The following TBC1D4 variants were observed in gnomAD, a reference collection of about 807,000 sequenced individuals.
TBC1D4 encodes the protein TBC1 domain family member 4.
A neutral mutation model predicts 142.5 loss-of-function variants in TBC1D4; 121 were observed. That is an observed-to-expected ratio of 0.85 (90% confidence interval 0.73 to 0.99). The LOEUF (loss-of-function observed/expected upper bound fraction) is 0.99, where lower values mean the gene tolerates loss of function less well. TBC1D4 is among the 50% of genes least tolerant of loss of function. The probability of loss-of-function intolerance (pLI) is 0.00; values close to 1 mark genes in which losing one functional copy is unlikely to be tolerated. For missense variants in TBC1D4, 1,475 were observed against 1,606.6 expected, an observed-to-expected ratio of 0.92 and a Z score of 1.40; for synonymous variants, 630 against 628.2, an observed-to-expected ratio of 1.00 and a Z score of -0.04.
rs1880702962 is a variant in TBC1D4 at position 75,341,532 on chromosome 13, T to G, written c.1464A>C (p.Thr488=). The G allele has an allele frequency of 6.2e-7, 1 of 1,614,102 alleles. No individual in the cohort carries two copies. Among genetic ancestry groups the G allele is most frequent in the Non-Finnish European group, 8.5e-7 (1 of 1,180,012 alleles). Residue 488 remains threonine (T), a synonymous_variant, in exon 6 of 21, where the codon ACA becomes ACC. Transcript: ENST00000377636. Reference sequence around the variant, plus strand: ...CAAAGATGTCAGCTTGCTCATTATCTGTCAGTGATGAGAGATGCCTCTGTA... The same window carrying G: ...CAAAGATGTCAGCTTGCTCATTATCGGTCAGTGATGAGAGATGCCTCTGTA... ...LVIQRHLSSL[T]DNEQADIFER...
At chr13:75,410,751 A>G (rs1271765926) in intron 1 of TBC1D4, among the ~76,000 whole-genome samples, 1 of 151,570 alleles carries the variant, frequency 6.6e-6, no homozygotes, top group Non-Finnish European at 1.5e-5. Context: ...CCTGGCTAAC[A>G]CGGTGAAACC....
At chr13:75,476,632 A>T (rs4885298) in intron 1 of TBC1D4, among the ~76,000 whole-genome samples, 116,843 of 152,140 alleles carry the variant, frequency 0.77, 46,991 homozygotes, top group East Asian at 0.97. Context: ...AGAGCTTCTT[A>T]AAAATATTCC....
intron 4 of TBC1D4, among the ~76,000 whole-genome samples, chr13:75,350,979 C>T (rs968273912): frequency 3.9e-5 from 6 of 151,946 alleles, no homozygotes; most frequent in African/African-American, 1.2e-4. Context: ...ATTAGTGTAC[C>T]GTGAATAACT....
Position 75,289,160 on chromosome 13 carries a change from G to A in TBC1D4, c.3487-50C>T, listed in dbSNP as rs764522944. On this transcript the variant is annotated intron_variant, in intron 19 of 20. Transcript: ENST00000377636. ...GGCTAGCCTTTGGTATGTATAACAA[G>A]ATACAGCCTGTTTATCTTGGTATAT... 3.2e-6 allele frequency: 5 copies of A among 1,581,894 alleles called. No homozygotes were observed. In the East Asian group the frequency reaches 1.1e-4, roughly 35 times the overall value.
intron 8 of TBC1D4, among the ~76,000 whole-genome samples, chr13:75,336,081 A>C (rs1204647354): frequency 2.0e-5 from 3 of 152,160 alleles, no homozygotes; most frequent in African/African-American, 7.2e-5. Context: ...ATAAATCTCG[A>C]TCTGAGAAGC....
chr13:75,347,761 A>AT (rs778536879), intron 5 of TBC1D4, among the ~76,000 whole-genome samples: 4 of 152,112 alleles, frequency 2.6e-5, no homozygotes, highest in Admixed American at 6.5e-5. Context: ...AGAATGTTCC[A>AT]TTTTTTTAAA....
intron 1 of TBC1D4, among the ~76,000 whole-genome samples, chr13:75,464,915 CT>C (rs1888108513): frequency 6.6e-6 from 1 of 152,114 alleles, no homozygotes; most frequent in African/African-American, 2.4e-5. Context: ...TAAGTTTCCT[CT>C]TTTTTTTCCT....
rs777799073 is a variant in TBC1D4 at position 75,359,756 on chromosome 13, C to T, written c.1170+13G>A. The T allele has an allele frequency of 2.5e-6, 4 of 1,590,018 alleles. No homozygotes were observed. The highest frequency in any genetic ancestry group is 2.6e-6 in the Non-Finnish European group (3 of 1,158,232). On this transcript the variant is annotated intron_variant, in intron 3 of 20. Transcript: ENST00000377636. The stretch of plus-strand genomic sequence containing the variant: ...TGGTCTCTTCACATACTATGATATA[C>T]TTTGATACATACCTGAGAACAAGAG...
intron 1 of TBC1D4, among the ~76,000 whole-genome samples, chr13:75,462,685 A>G (rs180861406): frequency 6.6e-6 from 1 of 152,290 alleles, no homozygotes; most frequent in Non-Finnish European, 1.5e-5. Context: ...CTGACAATGT[A>G]GCCCAAATGA....
chr13:75,360,941 G>A (rs181441456), intron 2 of TBC1D4, among the ~76,000 whole-genome samples: 91 of 152,120 alleles, frequency 6.0e-4, no homozygotes, highest in African/African-American at 2.1e-3. Flanking sequence ...AAAATACTCC[G>A]GAATCTCCTT....
intron 1 of TBC1D4, among the ~76,000 whole-genome samples, chr13:75,431,927 A>G (rs771474198): frequency 8.5e-5 from 13 of 152,218 alleles, no homozygotes; most frequent in South Asian, 2.1e-4. Flanking sequence ...GTCTCACTCC[A>G]GTCTAAGGGT....
chr13:75,339,341 CAGA>C (rs1290640375), intron 7 of TBC1D4, among the ~76,000 whole-genome samples: 1 of 152,024 alleles, frequency 6.6e-6, no homozygotes, highest in Non-Finnish European at 1.5e-5. Flanking sequence ...AATCTACCAT[CAGA>C]AGAACAGCAG....
intron 8 of TBC1D4, among the ~76,000 whole-genome samples, chr13:75,328,028 A>T (rs1879424427): frequency 6.6e-6 from 1 of 152,214 alleles, no homozygotes; most frequent in African/African-American, 2.4e-5. Flanking sequence ...TTTTTAAATC[A>T]GCCGTTAGAT....
At chr13:75,479,839 T>C (rs1283906101) in intron 1 of TBC1D4, among the ~76,000 whole-genome samples, 1 of 152,198 alleles carries the variant, frequency 6.6e-6, no homozygotes, top group Non-Finnish European at 1.5e-5. Flanking sequence ...TAGTACGATA[T>C]TTTGCCATAA....
Position 75,326,190 on chromosome 13 carries a change from G to T in TBC1D4, c.2033+7C>A. 1 of 1,614,002 alleles carries T rather than the reference G, an allele frequency of 6.2e-7. No homozygotes were observed. The highest frequency in any genetic ancestry group is 1.7e-5 in the Admixed American group (1 of 60,020). The stretch of plus-strand genomic sequence containing the variant: ...CTAGGTCTCATTCTGGAGAGGGTCA[G>T]ACTCACCTGCACTGTTCACTGGAGC... On this transcript the variant is annotated splice_region_variant and intron_variant, in intron 10 of 20. Transcript: ENST00000377636.
intron 1 of TBC1D4, among the ~76,000 whole-genome samples, chr13:75,365,358 T>C (rs1415175474): frequency 6.6e-6 from 1 of 150,930 alleles, no homozygotes; most frequent in East Asian, 2.0e-4. Context: ...CTTATCCTCA[T>C]GTGAAACACA....
intron 5 of TBC1D4, 99 bp from the exon 6 acceptor site, chr13:75,341,686 G>T: frequency 2.1e-6 from 2 of 932,326 alleles, no homozygotes; most frequent in South Asian, 1.3e-5. Context: ...AGCAGGCTCT[G>T]AACTTAAATC....
intron 1 of TBC1D4, among the ~76,000 whole-genome samples, chr13:75,469,444 T>C (rs1888305255): frequency 1.3e-5 from 2 of 151,792 alleles, no homozygotes; most frequent in African/African-American, 4.8e-5. Context: ...ATCCGGGTGG[T>C]GTCAGTGGTA....
rs1281803442 is a variant in TBC1D4, at chr13:75,349,311, A to C, written c.1276-9T>G. On this transcript the variant is annotated splice_polypyrimidine_tract_variant and intron_variant, in intron 4 of 20. Coordinates refer to ENST00000377636, the MANE Select transcript of TBC1D4 (RefSeq NM_014832.5). ...AGCATTACCTCATCAACCTACAGGAAGAAACAAAACTCAGGTCTATAAAAG... is the reference window on the plus strand; with the variant it reads ...AGCATTACCTCATCAACCTACAGGACGAAACAAAACTCAGGTCTATAAAAG... 1 of 1,613,638 alleles carries C rather than the reference A, an allele frequency of 6.2e-7. No individual in the cohort carries two copies. The highest frequency in any genetic ancestry group is 1.7e-5 in the Admixed American group (1 of 59,960).
Sources: allele counts gnomAD v4.1 joint callset (sites outside exome capture counted in the v4.1 genomes callset), GRCh38; gene constraint gnomAD v4.1.1; transcripts MANE v1.5; gene names NCBI Gene and HGNC (gene_info 2026-07-23, HGNC 2026-07-21).